Variants in SLC39A11 observed in about 807,000 individuals in gnomAD.
SLC39A11 encodes zinc transporter ZIP11.
SLC39A11 carries 33 observed loss-of-function variants against 36.1 expected under a neutral mutation model. The observed-to-expected ratio is 0.91, with a 90% confidence interval of 0.69 to 1.22. The LOEUF (loss-of-function observed/expected upper bound fraction) is 1.22. Among genes scored for constraint, SLC39A11 ranks in the 50% most tolerant of loss-of-function variants. SLC39A11 has a pLI of 0.00. For synonymous variants in SLC39A11, 166 were observed against 170.3 expected, an observed-to-expected ratio of 0.97 and a Z score of 0.20; for missense variants, 432 against 430.3, an observed-to-expected ratio of 1.00 and a Z score of -0.03.
intron 6 of SLC39A11, among the ~76,000 whole-genome samples, chr17:72,767,539 A>G (rs867654577): frequency 2.6e-5 from 4 of 152,226 alleles, no homozygotes; most frequent in Non-Finnish European, 4.4e-5. Context: ...ACTAAGTGCC[A>G]TGAAGAAAAA....
intron 6 of SLC39A11, among the ~76,000 whole-genome samples, chr17:72,827,083 A>G (rs2078060566): frequency 6.6e-6 from 1 of 152,276 alleles, no homozygotes; most frequent in Non-Finnish European, 1.5e-5. Context: ...ATAGTCCAAC[A>G]GTAGATATAA....
chr17:72,714,819 T>C (rs1294670750), intron 7 of SLC39A11, among the ~76,000 whole-genome samples: 2 of 152,216 alleles, frequency 1.3e-5, no homozygotes, highest in Non-Finnish European at 2.9e-5. Flanking sequence ...CTGTTTCAGA[T>C]CTGGGTTCAT....
At chr17:73,032,594 T>C (rs192098582) in intron 3 of SLC39A11, among the ~76,000 whole-genome samples, 2 of 152,358 alleles carry the variant, frequency 1.3e-5, no homozygotes, top group East Asian at 1.9e-4. Context: ...GGTCTAATTA[T>C]TACAAAGTTC....
intron 7 of SLC39A11, among the ~76,000 whole-genome samples, chr17:72,698,948 A>T (rs2072457617): frequency 6.6e-6 from 1 of 152,152 alleles, no homozygotes; most frequent in Non-Finnish European, 1.5e-5. Flanking sequence ...CTCCTGCCTC[A>T]GCCTCCCGAG....
At chr17:72,789,055 A>G (rs1392055284) in intron 6 of SLC39A11, among the ~76,000 whole-genome samples, 1 of 145,356 alleles carries the variant, frequency 6.9e-6, no homozygotes, top group Admixed American at 6.8e-5. Flanking sequence ...TTTTTTTTTG[A>G]GATGGAGTCT....
At chr17:72,706,956 C>T (rs1030019423) in intron 7 of SLC39A11, among the ~76,000 whole-genome samples, 5 of 152,128 alleles carry the variant, frequency 3.3e-5, no homozygotes, top group African/African-American at 4.8e-5. Flanking sequence ...GCTCTAGGGC[C>T]GGGCTCTATC....
intron 4 of SLC39A11, among the ~76,000 whole-genome samples, chr17:72,998,301 G>A (rs1183990616): frequency 1.3e-5 from 2 of 151,450 alleles, no homozygotes; most frequent in Non-Finnish European, 2.9e-5. Flanking sequence ...TCCTTTGTCT[G>A]AAATGCATGC....
intron 7 of SLC39A11, among the ~76,000 whole-genome samples, chr17:72,720,957 T>A (rs1445692573): frequency 6.6e-6 from 1 of 151,432 alleles, no homozygotes; most frequent in Non-Finnish European, 1.5e-5. Context: ...ACCCACCCAC[T>A]CCCCCAGGCT....
chr17:72,969,842 G>T (rs866357841), intron 4 of SLC39A11, among the ~76,000 whole-genome samples: 1 of 152,168 alleles, frequency 6.6e-6, no homozygotes. Context: ...GCCACAGTGT[G>T]GAAGGTTCAT....
chr17:72,910,383 G>C (rs975059027), intron 5 of SLC39A11, among the ~76,000 whole-genome samples: 3 of 152,158 alleles, frequency 2.0e-5, no homozygotes, highest in African/African-American at 7.2e-5. Context: ...CAGCACTTTG[G>C]GAGGCTGAGG....
chr17:72,824,036 C>CAA (rs35071443), intron 6 of SLC39A11, among the ~76,000 whole-genome samples: 1 of 151,060 alleles, frequency 6.6e-6, no homozygotes, highest in African/African-American at 2.4e-5. Flanking sequence ...AATAAAAGCA[C>CAA]AAAAAAACAT....
At chr17:72,765,579 G>A (rs1031730803) in intron 6 of SLC39A11, among the ~76,000 whole-genome samples, 2 of 152,176 alleles carry the variant, frequency 1.3e-5, no homozygotes, top group Admixed American at 1.3e-4. Context: ...AAATCTGCCT[G>A]GGGGTACTCT....
intron 4 of SLC39A11, among the ~76,000 whole-genome samples, chr17:72,959,231 G>A (rs2086439669): frequency 6.7e-6 from 1 of 150,224 alleles, no homozygotes; most frequent in Non-Finnish European, 1.5e-5. Context: ...GTTTGTAGCA[G>A]CACAATTTAC....
At chr17:72,973,634 C>T (rs2087623892) in intron 4 of SLC39A11, among the ~76,000 whole-genome samples, 1 of 152,170 alleles carries the variant, frequency 6.6e-6, no homozygotes, top group African/African-American at 2.4e-5. Flanking sequence ...TCACAGCTCA[C>T]TGCAGCCTCG....
At chr17:72,704,614 G>A (rs989969296) in intron 7 of SLC39A11, among the ~76,000 whole-genome samples, 6 of 152,256 alleles carry the variant, frequency 3.9e-5, no homozygotes, top group East Asian at 3.9e-4. Flanking sequence ...AAGCCAAAGC[G>A]CCATCTGTGT....
intron 5 of SLC39A11, among the ~76,000 whole-genome samples, chr17:72,905,308 T>A (rs1415538515): frequency 6.9e-6 from 1 of 145,118 alleles, no homozygotes. Flanking sequence ...TTTTAAATAG[T>A]GTCTAGGCCA....
At chr17:73,018,161 T>G (rs1482451855) in intron 4 of SLC39A11, among the ~76,000 whole-genome samples, 3 of 152,198 alleles carry the variant, frequency 2.0e-5, no homozygotes, top group Non-Finnish European at 4.4e-5. Context: ...GTAAATTATC[T>G]GCCTGTCAGA....
intron 5 of SLC39A11, among the ~76,000 whole-genome samples, chr17:72,922,962 A>C (rs866648311): frequency 0.14 from 12,603 of 92,334 alleles, 1,790 homozygotes; most frequent in African/African-American, 0.36. Context: ...CTCCTTCTCA[A>C]AAAAAAAAAA....
chr17:72,773,207 G>A (rs150373940), intron 6 of SLC39A11, among the ~76,000 whole-genome samples: 43 of 152,342 alleles, frequency 2.8e-4, no homozygotes, highest in African/African-American at 9.6e-4. Context: ...GACTTCCAGA[G>A]AGGCATGGTT....
Sources: allele counts gnomAD v4.1 joint callset (sites outside exome capture counted in the v4.1 genomes callset), GRCh38; gene constraint gnomAD v4.1.1; transcripts MANE v1.5; gene names NCBI Gene and HGNC (gene_info 2026-07-23, HGNC 2026-07-21).